BIRC2: variants seen among roughly 807,000 people sequenced by gnomAD.
BIRC2 encodes baculoviral IAP repeat containing 2.
In BIRC2, 18 loss-of-function variants were observed where a neutral mutation model predicts 60.9. The ratio of observed to expected loss-of-function variants is 0.30; its 90% CI spans 0.20 to 0.44. The LOEUF (loss-of-function observed/expected upper bound fraction) is 0.44, where lower values mean the gene tolerates loss of function less well. BIRC2 is among the 20% of genes least tolerant of loss of function. The pLI is 1.00. For synonymous variants in BIRC2, 282 were observed against 247.7 expected, an observed-to-expected ratio of 1.14 and a Z score of -1.30; for missense variants, 701 against 728.5, an observed-to-expected ratio of 0.96 and a Z score of 0.43.
At chr11:102,373,178 A>G (rs1286668867) in intron 6 of BIRC2, among the ~76,000 whole-genome samples, 6 of 151,838 alleles carry the variant, frequency 4.0e-5, no homozygotes, top group Non-Finnish European at 7.4e-5. Flanking sequence ...TTTAAAGTTA[A>G]TATTGTCATG....
chr11:102,358,141 T>C lies in BIRC2; in HGVS notation c.996-4755T>C, dbSNP rs1433080684. ...CTTCCTCAGTTTGTTGAGTCTTGTT[T>C]TGTGACCTGCTGCATGATCTACGCT... On this transcript the variant is annotated intron_variant, in intron 3 of 8. Coordinates refer to ENST00000227758, the MANE Select transcript of BIRC2 (RefSeq NM_001166.5). Among the ~76,000 whole-genome samples the C allele has an allele frequency of 2.0e-5, 3 of 152,164 alleles. No homozygotes were observed. In the East Asian group the frequency reaches 5.8e-4, roughly 29 times the overall value.
At position 102,368,503 on chromosome 11, in the gene BIRC2, A is replaced by G. The variant is rs551400893; in HGVS notation, c.1321A>G (p.Lys441Glu). Residue 441 changes from lysine to glutamate, a missense_variant, in exon 6 of 9, where the codon AAA (lysine) becomes GAA (glutamate). Coordinates refer to ENST00000227758, the MANE Select transcript of BIRC2 (RefSeq NM_001166.5). Reference sequence around the variant, plus strand: ...AGCACTTCTTAATGCTGAAGATGAAAAAAGAGAAGAGGAGAAGGAAAAACA... The same window carrying G: ...AGCACTTCTTAATGCTGAAGATGAAGAAAGAGAAGAGGAGAAGGAAAAACA... ...VSALLNAEDE[K>E]REEEKEKQAE... The G allele has an allele frequency of 1.2e-5, 19 of 1,613,872 alleles. No homozygotes were observed. The African/African-American group carries it at 1.3e-4, about 11-fold the overall frequency.
At chr11:102,368,662 TCC>T in intron 6 of BIRC2, 114 bp downstream of exon 6, 1 of 1,389,212 alleles carries the variant, frequency 7.2e-7, no homozygotes, top group Non-Finnish European at 9.8e-7. Flanking sequence ...GTAGCAGTCC[TCC>T]AGTCATTTCG....
In BIRC2 at chr11:102,350,146, A is replaced by G. The variant is rs1246581957; in HGVS notation, c.292A>G (p.Ser98Gly). The G allele has an allele frequency of 1.1e-5, 18 of 1,614,128 alleles. No homozygotes were observed. Among genetic ancestry groups the G allele is most frequent in the Non-Finnish European group, 1.5e-5 (18 of 1,180,046 alleles). Residue 98 changes from serine to glycine, a missense_variant, in exon 2 of 9, where the codon AGT (serine) becomes GGT (glycine). Physicochemically the swap from Ser to Gly is moderately conservative, Grantham distance 56. Around this residue, in one of 4 missense-constraint regions of BIRC2, gnomAD observed 375 missense variants for 365.9 expected, o/e 1.02. Coordinates refer to ENST00000227758, the MANE Select transcript of BIRC2 (RefSeq NM_001166.5). The stretch of plus-strand genomic sequence containing the variant: ...GCTGGATAACTGGAAACTAGGAGAC[A>G]GTCCTATTCAAAAGCATAAACAGCT... The part of the protein sequence containing the change: ...LMLDNWKLGD[S>G]PIQKHKQLYP...
At chr11:102,363,637 T>G in intron 4 of BIRC2, 31 bp from the exon 5 acceptor site, 1 of 1,584,160 alleles carries the variant, frequency 6.3e-7, no homozygotes, top group East Asian at 2.2e-5. Context: ...GATATCTGCT[T>G]TTACCTATTA....
intron 6 of BIRC2, among the ~76,000 whole-genome samples, chr11:102,369,987 C>A (rs1362476543): frequency 6.6e-6 from 1 of 152,066 alleles, no homozygotes; most frequent in Admixed American, 6.5e-5. Context: ...CTGTTCATGT[C>A]CTTTGCCCAC....
chr11:102,374,948 C>T (rs1195265284), intron 6 of BIRC2, among the ~76,000 whole-genome samples: 12 of 152,226 alleles, frequency 7.9e-5, no homozygotes, highest in East Asian at 1.9e-4. Flanking sequence ...GTCCGTTACC[C>T]CTTTCTTTGA....
chr11:102,377,127 G>A (rs938655924), intron 6 of BIRC2, among the ~76,000 whole-genome samples: 8 of 151,972 alleles, frequency 5.3e-5, no homozygotes, highest in African/African-American at 1.9e-4. Flanking sequence ...TTAATTGACA[G>A]GATCACTGTA....
intron 3 of BIRC2, among the ~76,000 whole-genome samples, chr11:102,362,556 T>C: frequency 6.6e-6 from 1 of 152,208 alleles, no homozygotes; most frequent in East Asian, 1.9e-4. Flanking sequence ...GTTAATAGTA[T>C]CTGAAACTGT....
At chr11:102,372,532 T>G (rs866853036) in intron 6 of BIRC2, among the ~76,000 whole-genome samples, 2 of 151,608 alleles carry the variant, frequency 1.3e-5, no homozygotes, top group African/African-American at 4.8e-5. Flanking sequence ...GTCTGAGAGA[T>G]AGTTTGTTAT....
chr11:102,364,174 T>TATACACACACACACACAC (rs1389968594), intron 5 of BIRC2, among the ~76,000 whole-genome samples: 18 of 78,102 alleles, frequency 2.3e-4, no homozygotes, highest in African/African-American at 1.2e-3. Flanking sequence ...TATATATATA[T>TATACACACACACACACAC]ACACACACAC....
intron 1 of BIRC2, chr11:102,347,770 A>G (rs1002800880): frequency 5.8e-4 from 88 of 152,282 alleles, no homozygotes; most frequent in African/African-American, 2.1e-3. Context: ...TTCATATTTC[A>G]TAGTTGCCAC....
intron 3 of BIRC2, among the ~76,000 whole-genome samples, chr11:102,351,632 A>G (rs899411862): frequency 6.7e-5 from 10 of 149,100 alleles, no homozygotes; most frequent in East Asian, 4.2e-4. Context: ...AAAAAAAAAA[A>G]AAAAAGAAAA....
chr11:102,353,785 A>T (rs940605990), intron 3 of BIRC2, among the ~76,000 whole-genome samples: 2 of 142,238 alleles, frequency 1.4e-5, no homozygotes, highest in Non-Finnish European at 3.0e-5. Context: ...CATGTGCTGT[A>T]CATTAGATCC....
intron 3 of BIRC2, among the ~76,000 whole-genome samples, chr11:102,361,149 C>G (rs1319402169): frequency 6.6e-6 from 1 of 152,108 alleles, no homozygotes; most frequent in Non-Finnish European, 1.5e-5. Context: ...GGCGTGGACA[C>G]CTGTGGAGCA....
chr11:102,353,210 AAAAC>A (rs1363500166), intron 3 of BIRC2, among the ~76,000 whole-genome samples: 9 of 152,246 alleles, frequency 5.9e-5, no homozygotes, highest in Non-Finnish European at 7.3e-5. Context: ...TGTACCTTAT[AAAAC>A]AAAATCAAAA....
chr11:102,367,722 T>A (rs1388525075), intron 5 of BIRC2, among the ~76,000 whole-genome samples: 2 of 152,224 alleles, frequency 1.3e-5, no homozygotes, highest in Non-Finnish European at 2.9e-5. Flanking sequence ...CTGTCTAAAA[T>A]CATACTGCCT....
At chr11:102,355,449 C>T (rs1031991447) in intron 3 of BIRC2, among the ~76,000 whole-genome samples, 1 of 152,020 alleles carries the variant, frequency 6.6e-6, no homozygotes. Context: ...TTTCTGGGCT[C>T]TCTGTTCTGT....
chr11:102,359,855 C>A (rs7121213), intron 3 of BIRC2, among the ~76,000 whole-genome samples: 2 of 152,004 alleles, frequency 1.3e-5, no homozygotes, highest in African/African-American at 4.8e-5. Flanking sequence ...TATGAACTTC[C>A]TGTACCTGGA....
Sources: gnomAD v4.1 joint callset for allele counts (sites outside exome capture counted in the v4.1 genomes callset) on GRCh38, gnomAD v4.1.1 for gene constraint, gnomAD v4.1.1 regional missense constraint, MANE v1.5 for transcripts, NCBI Gene and HGNC (gene_info 2026-07-23, HGNC 2026-07-21) for gene names.